ABTB2: variants seen among roughly 807,000 people sequenced by gnomAD.
The protein encoded by ABTB2 is ankyrin repeat and BTB domain containing 2.
In ABTB2, 56 loss-of-function variants were observed where a neutral mutation model predicts 104.1. The observed-to-expected ratio is 0.54, with a 90% CI of 0.43 to 0.67. The LOEUF is 0.67. ABTB2 is among the 30% of genes least tolerant of loss of function. ABTB2 has a pLI of 0.00. For missense variants in ABTB2, 1,279 were observed against 1,407.7 expected (o/e 0.91, Z 1.46); for synonymous variants, 606 against 608.2 (o/e 1.00, Z 0.05).
intron 1 of ABTB2, among the ~76,000 whole-genome samples, chr11:34,273,544 ACTC>A (rs796885921): frequency 1.4e-4 from 21 of 151,512 alleles, no homozygotes; most frequent in African/African-American, 4.1e-4. Flanking sequence ...CTGCTTAAAG[ACTC>A]CTCCTCCATC....
At chr11:34,189,115 C>T (rs796155727) in intron 3 of ABTB2, 6 of 152,324 alleles carry the variant, frequency 3.9e-5, no homozygotes, top group African/African-American at 1.4e-4. Context: ...TGACCTACAG[C>T]TTGACCTTGA....
At chr11:34,315,468 T>A (rs1220239555) in intron 1 of ABTB2, among the ~76,000 whole-genome samples, 1 of 152,156 alleles carries the variant, frequency 6.6e-6, no homozygotes, top group African/African-American at 2.4e-5. Context: ...GAAAGCTGTA[T>A]TGGGCAGCTA....
rs1854903151 is a variant in ABTB2 at position 34,314,700 on chromosome 11, C to T, written c.883+42001G>A. On this transcript the variant is annotated intron_variant, in intron 1 of 16. Coordinates refer to ENST00000435224, the MANE Select transcript of ABTB2 (RefSeq NM_145804.3). ...CTCCCCCTGGTATCCGATGCTGGTG[C>T]CTGGATCCTCTTAGAAGGACTGGCT... 7.2e-5 allele frequency among the ~76,000 whole-genome samples: 11 copies of T among 152,308 alleles called. 1 individual carries two copies. In the South Asian group the frequency reaches 2.3e-3, roughly 32 times the overall value.
intron 1 of ABTB2, among the ~76,000 whole-genome samples, chr11:34,312,884 G>A (rs78628522): frequency 0.019 from 2,874 of 152,232 alleles, 30 homozygotes; most frequent in Non-Finnish European, 0.025. Context: ...CATTTTATAG[G>A]AGAAATCGCC....
chr11:34,286,739 C>A (rs1359585227), intron 1 of ABTB2, among the ~76,000 whole-genome samples: 1 of 152,226 alleles, frequency 6.6e-6, no homozygotes, highest in Non-Finnish European at 1.5e-5. Flanking sequence ...CTCTTCTCAT[C>A]ATTCCCAGCA....
chr11:34,173,333 G>T (rs1327974625), intron 3 of ABTB2, 26 bp from the exon 4 acceptor site: 1 of 1,558,572 alleles, frequency 6.4e-7, no homozygotes, highest in Non-Finnish European at 8.7e-7. Flanking sequence ...GAGAGGGTCA[G>T]GCCTGGGGTG....
At chr11:34,191,027 A>ATGG (rs1360090196) in intron 3 of ABTB2, among the ~76,000 whole-genome samples, 1 of 152,206 alleles carries the variant, frequency 6.6e-6, no homozygotes, top group Non-Finnish European at 1.5e-5. Flanking sequence ...ATGAGTTGAC[A>ATGG]TGGTCATACT....
At chr11:34,304,925 C>G (rs922064928) in intron 1 of ABTB2, among the ~76,000 whole-genome samples, 1 of 152,194 alleles carries the variant, frequency 6.6e-6, no homozygotes, top group African/African-American at 2.4e-5. Flanking sequence ...CTCTGCCAGT[C>G]TCAGTTCCCA....
intron 1 of ABTB2, among the ~76,000 whole-genome samples, chr11:34,344,981 A>T (rs531832291): frequency 1.3e-5 from 2 of 152,202 alleles, no homozygotes; most frequent in African/African-American, 4.8e-5. Flanking sequence ...TACCTCACAC[A>T]TCCAAGCTGT....
intron 1 of ABTB2, among the ~76,000 whole-genome samples, chr11:34,230,871 C>T (rs535131732): frequency 6.6e-6 from 1 of 152,340 alleles, no homozygotes; most frequent in Non-Finnish European, 1.5e-5. Context: ...ATTCTGGTTT[C>T]TCTTTTTCTT....
intron 1 of ABTB2, among the ~76,000 whole-genome samples, chr11:34,350,164 G>A (rs771832384): frequency 6.6e-5 from 10 of 152,030 alleles, no homozygotes; most frequent in South Asian, 2.1e-4. Context: ...TTGCTACATC[G>A]CTGACTCATT....
intron 3 of ABTB2, among the ~76,000 whole-genome samples, chr11:34,177,655 CT>C (rs916655032): frequency 4.6e-5 from 7 of 152,020 alleles, no homozygotes; most frequent in African/African-American, 1.2e-4. Flanking sequence ...ATAGCAAAGT[CT>C]TTTTTTCTTT....
chr11:34,235,434 C>T (rs1223510969), intron 1 of ABTB2, among the ~76,000 whole-genome samples: 1 of 152,176 alleles, frequency 6.6e-6, no homozygotes, highest in East Asian at 1.9e-4. Flanking sequence ...AAGCACTAAA[C>T]CCAATGCCTG....
chr11:34,259,515 G>A (rs2133073769), intron 1 of ABTB2, among the ~76,000 whole-genome samples: 1 of 152,274 alleles, frequency 6.6e-6, no homozygotes, highest in Non-Finnish European at 1.5e-5. Flanking sequence ...CCCCTACTCA[G>A]CTCCCCTCCT....
chr11:34,217,012 A>AT (rs1853558213), intron 1 of ABTB2, among the ~76,000 whole-genome samples: 1 of 152,220 alleles, frequency 6.6e-6, no homozygotes, highest in African/African-American at 2.4e-5. Flanking sequence ...ACCTCATCCT[A>AT]GAAATTTCTG....
At chr11:34,304,851 T>C (rs1854752486) in intron 1 of ABTB2, among the ~76,000 whole-genome samples, 1 of 152,128 alleles carries the variant, frequency 6.6e-6, no homozygotes, top group Admixed American at 6.5e-5. Flanking sequence ...CTGGCTGACA[T>C]GGTGTAGGAG....
At chr11:34,161,131 C>A in intron 10 of ABTB2, 50 bp from the exon 11 acceptor site, 3 of 1,518,748 alleles carry the variant, frequency 2.0e-6, no homozygotes, top group East Asian at 2.4e-5. Flanking sequence ...GCTGAGCGCT[C>A]CCGGCACAGA....
At chr11:34,179,113 T>C (rs1852993067) in intron 3 of ABTB2, among the ~76,000 whole-genome samples, 1 of 148,698 alleles carries the variant, frequency 6.7e-6, no homozygotes, top group Non-Finnish European at 1.5e-5. Context: ...AATGAGGACC[T>C]CAAAGAGCTT....
intron 4 of ABTB2, 86 bp downstream of exon 4, chr11:34,173,069 C>T (rs1043570152): frequency 1.2e-5 from 19 of 1,562,032 alleles, no homozygotes; most frequent in African/African-American, 2.7e-5. Flanking sequence ...GACCCCCGCC[C>T]AGCCATCTGG....
Sources: allele counts gnomAD v4.1 joint callset (sites outside exome capture counted in the v4.1 genomes callset), GRCh38; gene constraint gnomAD v4.1.1; transcripts MANE v1.5; gene names NCBI Gene and HGNC (gene_info 2026-07-23, HGNC 2026-07-21).